Variants in SOX6 observed in about 807,000 individuals in gnomAD.
SOX6 encodes transcription factor SOX-6.
A neutral mutation model predicts 97.8 loss-of-function variants in SOX6; 11 were observed. The observed-to-expected ratio is 0.11, with a 90% CI of 0.07 to 0.19. The LOEUF is 0.19. Ranked by LOEUF, SOX6 falls within the 10% of genes least tolerant of loss-of-function variation. SOX6 has a pLI of 1.00. For synonymous variants in SOX6, 360 were observed against 371.4 expected (o/e 0.97, Z 0.35); for missense variants, 810 against 1,039.5 (o/e 0.78, Z 3.04).
chr11:16,398,267 T>C (rs932114752), intron 1 of SOX6, among the ~76,000 whole-genome samples: 2 of 151,566 alleles, frequency 1.3e-5, no homozygotes, highest in Non-Finnish European at 3.0e-5. Context: ...ATGTACCTTA[T>C]TGCGAGTTTG....
intron 6 of SOX6, among the ~76,000 whole-genome samples, chr11:16,151,805 C>A (rs1850464050): frequency 6.6e-6 from 1 of 152,212 alleles, no homozygotes; most frequent in East Asian, 1.9e-4. Context: ...GAAACCACCT[C>A]TAGGAAACAC....
At chr11:16,064,034 C>G (rs532904404) in intron 9 of SOX6, among the ~76,000 whole-genome samples, 2 of 151,646 alleles carry the variant, frequency 1.3e-5, no homozygotes, top group African/African-American at 4.8e-5. Context: ...CTTACAGTTA[C>G]TCTCTAAAAT....
chr11:16,263,610 T>C (rs995407912), intron 3 of SOX6, among the ~76,000 whole-genome samples: 3 of 151,938 alleles, frequency 2.0e-5, no homozygotes, highest in Non-Finnish European at 2.9e-5. Context: ...CTTCCAGTAA[T>C]TGCAGAATAT....
chr11:16,447,971 C>T (rs978072000), intron 1 of SOX6, among the ~76,000 whole-genome samples: 8 of 152,318 alleles, frequency 5.3e-5, no homozygotes, highest in South Asian at 2.1e-4. Context: ...GTAACCCAGT[C>T]ATTGCACAGA....
chr11:16,439,504 A>C (rs919333468), intron 1 of SOX6, among the ~76,000 whole-genome samples: 1 of 152,184 alleles, frequency 6.6e-6, no homozygotes, highest in Non-Finnish European at 1.5e-5. Flanking sequence ...ATTATGGATA[A>C]AGTAAGTTCT....
chr11:16,075,353 C>A lies in SOX6; in HGVS notation c.1102-19452G>T, dbSNP rs576341099. 2.0e-5 allele frequency among the ~76,000 whole-genome samples: 3 copies of A among 152,108 alleles called. No individual in the cohort carries two copies. In the East Asian group the frequency reaches 5.8e-4, roughly 29 times the overall value. ...ACATAGTGGCAGGCAAAAGAGTGTGCGCATGAATGTTTATTGTGGCACTGT... is the reference window on the plus strand; with the variant it reads ...ACATAGTGGCAGGCAAAAGAGTGTGAGCATGAATGTTTATTGTGGCACTGT... On this transcript the variant is annotated intron_variant, in intron 9 of 15. Transcript: ENST00000683767.
chr11:16,534,466 T>A (rs1195630990), intron 4 of SOX6, among the ~76,000 whole-genome samples: 1 of 152,146 alleles, frequency 6.6e-6, no homozygotes, highest in Non-Finnish European at 1.5e-5. Context: ...GGCTTCCAAG[T>A]TCCCTCCAAT....
intron 4 of SOX6, among the ~76,000 whole-genome samples, chr11:16,597,154 T>A (rs995532638): frequency 2.6e-5 from 4 of 152,080 alleles, no homozygotes; most frequent in African/African-American, 9.7e-5. Context: ...AATGAGGCAA[T>A]GAATATGAAG....
chr11:16,186,274 G>T (rs1457138575), intron 5 of SOX6, among the ~76,000 whole-genome samples: 3 of 152,098 alleles, frequency 2.0e-5, no homozygotes, highest in African/African-American at 7.2e-5. Context: ...AGGAGGCAGG[G>T]TATTATTACT....
intron 13 of SOX6, among the ~76,000 whole-genome samples, chr11:16,013,142 C>T (rs1854780957): frequency 1.3e-5 from 2 of 151,894 alleles, no homozygotes; most frequent in Non-Finnish European, 2.9e-5. Context: ...GTTAAGGAAG[C>T]AAATGAAAAA....
intron 4 of SOX6, among the ~76,000 whole-genome samples, chr11:16,223,755 T>C (rs1322785812): frequency 6.6e-6 from 1 of 152,136 alleles, no homozygotes; most frequent in Non-Finnish European, 1.5e-5. Context: ...CATTTCCTGG[T>C]AAGCAATCTG....
intron 9 of SOX6, among the ~76,000 whole-genome samples, chr11:16,080,203 C>G (rs1848443285): frequency 6.7e-6 from 1 of 149,246 alleles, no homozygotes; most frequent in Admixed American, 6.7e-5. Context: ...CACACTGTAC[C>G]CCATAAATGT....
chr11:16,713,386 A>C (rs1848195499), intron 3 of SOX6, among the ~76,000 whole-genome samples: 1 of 152,186 alleles, frequency 6.6e-6, no homozygotes, highest in Admixed American at 6.5e-5. Context: ...ACATTACATA[A>C]ATAATTTACT....
At chr11:16,348,343 C>A (rs1001846538) in intron 1 of SOX6, among the ~76,000 whole-genome samples, 3 of 152,042 alleles carry the variant, frequency 2.0e-5, no homozygotes, top group Non-Finnish European at 2.9e-5. Flanking sequence ...AAATTGTCAC[C>A]TTCCATTGTA....
intron 4 of SOX6, among the ~76,000 whole-genome samples, chr11:16,482,968 G>A (rs1482085812): frequency 6.6e-6 from 1 of 152,142 alleles, no homozygotes; most frequent in African/African-American, 2.4e-5. Flanking sequence ...TGTGTGCTAA[G>A]GCACCAGCAG....
chr11:16,220,205 T>C (rs916264056), intron 4 of SOX6, among the ~76,000 whole-genome samples: 1 of 152,038 alleles, frequency 6.6e-6, no homozygotes, highest in African/African-American at 2.4e-5. Flanking sequence ...AAATATTACA[T>C]GTGAATAACC....
intron 3 of SOX6, among the ~76,000 whole-genome samples, chr11:16,642,534 C>T (rs1335958451): frequency 7.9e-5 from 12 of 152,180 alleles, no homozygotes; most frequent in East Asian, 5.8e-4. Context: ...CCATTCTCCC[C>T]GTCACTTTCA....
intron 3 of SOX6, among the ~76,000 whole-genome samples, chr11:16,642,478 G>C (rs995812627): frequency 7.2e-5 from 11 of 152,168 alleles, no homozygotes; most frequent in Admixed American, 7.2e-4. Flanking sequence ...TGCTAGATTG[G>C]AGACGTTCTC....
intron 4 of SOX6, among the ~76,000 whole-genome samples, chr11:16,222,711 A>T (rs1852578542): frequency 6.6e-6 from 1 of 152,074 alleles, no homozygotes; most frequent in Non-Finnish European, 1.5e-5. Context: ...AAATATTTTC[A>T]GTTGCAAGTA....
Sources: allele counts gnomAD v4.1 joint callset (sites outside exome capture counted in the v4.1 genomes callset), GRCh38; gene constraint gnomAD v4.1.1; transcripts MANE v1.5; gene names NCBI Gene and HGNC (gene_info 2026-07-23, HGNC 2026-07-21).